Variants in ZNF17 observed in about 807,000 individuals in gnomAD.
ZNF17 encodes the protein zinc finger protein 17.
Under a neutral mutation model 7.7 loss-of-function variants are expected in ZNF17, and 4 were observed. The ratio of observed to expected loss-of-function variants is 0.52; its 90% CI spans 0.26 to 1.20. The LOEUF is 1.20. ZNF17 is among the 50% of genes most tolerant of loss of function. The probability of loss-of-function intolerance (pLI) is 0.14; values close to 1 mark genes in which losing one functional copy is unlikely to be tolerated. For missense variants in ZNF17, 738 were observed against 799.5 expected, an observed-to-expected ratio of 0.92 and a Z score of 0.93; for synonymous variants, 249 against 258.8, an observed-to-expected ratio of 0.96 and a Z score of 0.36.
chr19:57,413,519 G>T, intron 1 of ZNF17, 77 bp from the exon 2 acceptor site: 1 of 1,492,138 alleles, frequency 6.7e-7, no homozygotes, highest in Non-Finnish European at 9.0e-7. Flanking sequence ...TAGTTGCAGG[G>T]CCAGAGGTGG....
intron 2 of ZNF17, among the ~76,000 whole-genome samples, chr19:57,416,247 G>A (rs1312651827): frequency 1.3e-5 from 2 of 152,166 alleles, no homozygotes; most frequent in African/African-American, 4.8e-5. Context: ...GTGCAGAGTG[G>A]CATGGTAACA....
At chr19:57,414,444 C>T (rs560579621) in intron 2 of ZNF17, among the ~76,000 whole-genome samples, 2 of 151,856 alleles carry the variant, frequency 1.3e-5, no homozygotes, top group African/African-American at 2.4e-5. Flanking sequence ...AAGCAATTCT[C>T]CTGCCTCAGC....
At chr19:57,411,440 C>T in intron 1 of ZNF17, 34 bp downstream of exon 1, 1 of 1,606,558 alleles carries the variant, frequency 6.2e-7, no homozygotes, top group Non-Finnish European at 8.5e-7. Flanking sequence ...CCCGCCCGAT[C>T]CCTCCTCCGA....
At position 57,420,302 on chromosome 19, in the gene ZNF17, A is replaced by G. The variant is rs774257628; in HGVS notation, c.816A>G (p.Gly272=). The change falls in exon 4 of 4, where the codon GGA becomes GGG. Residue 272 remains glycine (G), a synonymous_variant. Transcript: ENST00000307658. The part of the protein sequence containing the change: ...NVVQHQKIHT[G]ERPYECSECG... ...TTCAACACCAGAAAATTCACACTGG[A>G]GAAAGGCCTTATGAGTGCAGTGAAT... 3.1e-6 allele frequency: 5 copies of G among 1,613,982 alleles called. No individual in the cohort carries two copies. In the African/African-American group the frequency reaches 6.7e-5, roughly 22 times the overall value.
intron 2 of ZNF17, among the ~76,000 whole-genome samples, chr19:57,414,988 G>A (rs950283461): frequency 6.6e-6 from 1 of 152,188 alleles, no homozygotes; most frequent in Non-Finnish European, 1.5e-5. Context: ...GGAATTACAG[G>A]CCTGAGCCAC....
At chr19:57,416,485 G>A (rs2088812086) in intron 2 of ZNF17, among the ~76,000 whole-genome samples, 1 of 151,460 alleles carries the variant, frequency 6.6e-6, no homozygotes, top group Non-Finnish European at 1.5e-5. Context: ...AAGAAAGGTA[G>A]GCCCCCATGT....
At chr19:57,413,997 C>T (rs1329904290) in intron 2 of ZNF17, among the ~76,000 whole-genome samples, 1 of 152,098 alleles carries the variant, frequency 6.6e-6, no homozygotes, top group African/African-American at 2.4e-5. Context: ...AGGGATCAGG[C>T]ATGGAATGGC....
In ZNF17 at chr19:57,419,703, G is replaced by A. The variant is rs1000774038; in HGVS notation, c.217G>A (p.Val73Ile). 1 of 1,614,168 alleles carries A rather than the reference G, an allele frequency of 6.2e-7. No homozygotes were observed. Among genetic ancestry groups the A allele is most frequent in the Non-Finnish European group, 8.5e-7 (1 of 1,180,036 alleles). The stretch of plus-strand genomic sequence containing the variant: ...ATGTGTTTCTGTAGGAGTGTCACAG[G>A]TCACAACTTTAAAGCCAGCTTTGTC... ...KQCVSVGVSQ[V>I]TTLKPALSTQ... Residue 73 changes from valine to isoleucine, a missense_variant, in exon 4 of 4, where the codon GTC (valine) becomes ATC (isoleucine). Around this residue, in one of 3 missense-constraint regions of ZNF17, gnomAD observed 616 missense variants for 663.9 expected, o/e 0.93. Coordinates refer to ENST00000307658, the MANE Select transcript of ZNF17 (RefSeq NM_001330617.2).
chr19:57,412,939 G>A (rs955098125), intron 1 of ZNF17, among the ~76,000 whole-genome samples: 20 of 151,100 alleles, frequency 1.3e-4, no homozygotes, highest in African/African-American at 4.1e-4. Context: ...GTGCAGTGGC[G>A]TGGTCTCGGC....
chr19:57,420,125 C>T lies in ZNF17; in HGVS notation c.639C>T (p.Ile213=). 3.7e-6 allele frequency: 6 copies of T among 1,614,184 alleles called. No individual in the cohort carries two copies. Among genetic ancestry groups the T allele is most frequent in the Non-Finnish European group, 4.2e-6 (5 of 1,180,028 alleles). ...ATACACTGTTTGAGCACCAGAAAAT[C>T]CACACAGAGGAAAGGCCTTATGAGT... ...HQHTLFEHQK[I]HTEERPYECS... The change falls in exon 4 of 4, where the codon ATC becomes ATT. Residue 213 remains isoleucine (I), a synonymous_variant. Transcript: ENST00000307658.
At position 57,420,587 on chromosome 19, in the gene ZNF17, ATTCT is replaced by A. The variant is rs748385772; in HGVS notation, c.1104_1107del (p.Phe368LeufsTer91). On this transcript the variant is annotated frameshift_variant, in exon 4 of 4. Coordinates refer to ENST00000307658, the MANE Select transcript of ZNF17 (RefSeq NM_001330617.2). LOFTEE classifies it low-confidence loss of function (END_TRUNC). The stretch of plus-strand genomic sequence containing the variant: ...CTTTTTATTGCTGTGAATGTGGGAA[ATTCT>A]TTATGGACAGCTGCACACTCATTAT... 1 of 1,613,922 alleles carries A rather than the reference ATTCT, an allele frequency of 6.2e-7. No homozygotes were observed. The highest frequency in any genetic ancestry group is 8.5e-7 in the Non-Finnish European group (1 of 1,179,934).
chr19:57,415,623 G>A (rs920109360), intron 2 of ZNF17, among the ~76,000 whole-genome samples: 5 of 152,148 alleles, frequency 3.3e-5, no homozygotes, highest in African/African-American at 9.7e-5. Context: ...TGGGCACCTG[G>A]ATGGGGTTGC....
intron 2 of ZNF17, among the ~76,000 whole-genome samples, chr19:57,416,469 T>G (rs577258583): frequency 1.3e-5 from 2 of 152,006 alleles, no homozygotes; most frequent in South Asian, 4.2e-4. Context: ...GGAAATTGAG[T>G]GACAAAAGAA....
chr19:57,417,455 T>C (rs1343427409), intron 2 of ZNF17, among the ~76,000 whole-genome samples: 4 of 152,132 alleles, frequency 2.6e-5, no homozygotes, highest in Non-Finnish European at 5.9e-5. Context: ...GTCTATGGGA[T>C]CTGGATTATA....
At chr19:57,416,613 C>G (rs1283547398) in intron 2 of ZNF17, among the ~76,000 whole-genome samples, 1 of 152,016 alleles carries the variant, frequency 6.6e-6, no homozygotes, top group Non-Finnish European at 1.5e-5. Context: ...CAGGTTCAAG[C>G]AGTACTCTGC....
At chr19:57,414,018 T>G (rs2088795077) in intron 2 of ZNF17, among the ~76,000 whole-genome samples, 1 of 151,990 alleles carries the variant, frequency 6.6e-6, no homozygotes, top group Non-Finnish European at 1.5e-5. Flanking sequence ...AGCCTGAGGT[T>G]GTCTAGGTTT....
chr19:57,418,776 GTC>G (rs1398239427), intron 3 of ZNF17, among the ~76,000 whole-genome samples: 3 of 152,148 alleles, frequency 2.0e-5, no homozygotes, highest in Non-Finnish European at 4.4e-5. Flanking sequence ...CACACCGCAT[GTC>G]TCTCTTTTCT....
intron 1 of ZNF17, chr19:57,411,731 G>A (rs956576064): frequency 3.4e-6 from 4 of 1,170,774 alleles, no homozygotes; most frequent in Non-Finnish European, 2.1e-6. Flanking sequence ...TATGCCCAGA[G>A]GTAGACGTTT....
Position 57,421,064 on chromosome 19 carries a change from G to C in ZNF17, c.1578G>C (p.Arg526Ser). 1 of 1,614,140 alleles carries C rather than the reference G, an allele frequency of 6.2e-7. No individual in the cohort carries two copies. Among genetic ancestry groups the C allele is most frequent in the Non-Finnish European group, 8.5e-7 (1 of 1,180,010 alleles). The change falls in exon 4 of 4, where the codon AGG (arginine) becomes AGC (serine). Residue 526 changes from arginine (R) to serine (S), a missense_variant. Physicochemically the swap from Arg to Ser is moderately radical, Grantham distance 110. Around this residue, in one of 3 missense-constraint regions of ZNF17, gnomAD observed 616 missense variants for 663.9 expected, o/e 0.93. Transcript: ENST00000307658. Reference protein sequence around the residue: ...DTHQRIHTGERPYECSECGKF... With the variant: ...DTHQRIHTGESPYECSECGKF... ...ATCAGAGAATTCACACTGGTGAAAG[G>C]CCTTATGAGTGTAGTGAATGTGGGA...
Sources: allele counts gnomAD v4.1 joint callset (sites outside exome capture counted in the v4.1 genomes callset), GRCh38; gene constraint gnomAD v4.1.1; regional missense constraint gnomAD v4.1.1; transcripts MANE v1.5; gene names NCBI Gene and HGNC (gene_info 2026-07-23, HGNC 2026-07-21).